The following WDR47 variants were observed in gnomAD, a reference collection of about 807,000 sequenced individuals.
WDR47 encodes WD repeat domain 47.
In WDR47, 32 loss-of-function variants were observed where a neutral mutation model predicts 97.2. The ratio of observed to expected loss-of-function variants is 0.33; its 90% confidence interval spans 0.25 to 0.44. The LOEUF (loss-of-function observed/expected upper bound fraction) is 0.44, where lower values mean the gene tolerates loss of function less well. Ranked by LOEUF, WDR47 falls within the 20% of genes least tolerant of loss-of-function variation. The pLI is 1.00. For missense variants in WDR47, 782 were observed against 1,102.3 expected (o/e 0.71, Z 4.11); for synonymous variants, 375 against 373.5 (o/e 1.00, Z -0.05).
At chr1:109,019,292 G>A (rs1395169598) in intron 2 of WDR47, among the ~76,000 whole-genome samples, 3 of 151,428 alleles carry the variant, frequency 2.0e-5, no homozygotes, top group African/African-American at 2.4e-5. Flanking sequence ...GCTGAGGCAG[G>A]GAGAATTGCT....
rs1483711285 is a variant in WDR47, at chr1:108,974,766, G to A, written c.2399-12C>T. 4 of 1,590,000 alleles carry A rather than the reference G, an allele frequency of 2.5e-6. No individual in the cohort carries two copies. Among genetic ancestry groups the A allele is most frequent in the African/African-American group, 2.7e-5 (2 of 74,402 alleles). ...TGCCACTGCACTGCCTGTAGTGGTA[G>A]GAATGAAAGTTTAAATACAGAAAAT... On this transcript the variant is annotated splice_polypyrimidine_tract_variant and intron_variant, in intron 13 of 14. Transcript: ENST00000369962.
intron 1 of WDR47, among the ~76,000 whole-genome samples, chr1:109,038,423 A>G (rs1663107487): frequency 6.6e-6 from 1 of 152,220 alleles, no homozygotes; most frequent in Non-Finnish European, 1.5e-5. Context: ...TCATGCCTGT[A>G]ATCCCAGCAC....
intron 1 of WDR47, among the ~76,000 whole-genome samples, chr1:109,037,232 G>C (rs564170372): frequency 8.4e-4 from 127 of 152,046 alleles, no homozygotes; most frequent in Non-Finnish European, 1.6e-3. Flanking sequence ...GGGAGGCTGA[G>C]GCAGGAGAAT....
At chr1:109,017,631 G>A (rs779270462) in intron 2 of WDR47, 30 bp from the exon 3 acceptor site, 2 of 1,572,272 alleles carry the variant, frequency 1.3e-6, no homozygotes, top group Admixed American at 3.7e-5. Flanking sequence ...AAACCAGCAT[G>A]TCACCAAATT....
intron 1 of WDR47, among the ~76,000 whole-genome samples, chr1:109,032,684 G>A (rs1331149185): frequency 1.3e-5 from 2 of 151,608 alleles, no homozygotes; most frequent in Non-Finnish European, 2.9e-5. Context: ...ATCACTTGAG[G>A]TCAGGAGTTC....
At chr1:109,017,872 G>A (rs953932196) in intron 2 of WDR47, among the ~76,000 whole-genome samples, 4 of 151,454 alleles carry the variant, frequency 2.6e-5, no homozygotes, top group East Asian at 3.9e-4. Context: ...TCAGACACCC[G>A]AGAAGCTGGG....
At chr1:109,020,319 C>T (rs1661740470) in intron 2 of WDR47, among the ~76,000 whole-genome samples, 1 of 151,392 alleles carries the variant, frequency 6.6e-6, no homozygotes, top group African/African-American at 2.4e-5. Context: ...TCACTGCAAG[C>T]TCACGATCTC....
chr1:109,007,392 C>T (rs1313983199), intron 5 of WDR47, among the ~76,000 whole-genome samples: 1 of 152,056 alleles, frequency 6.6e-6, no homozygotes. Flanking sequence ...AACTCCTAGC[C>T]TCAAGCAATC....
chr1:109,012,726 G>C (rs1333357849), intron 4 of WDR47, among the ~76,000 whole-genome samples: 2 of 152,038 alleles, frequency 1.3e-5, no homozygotes, highest in Non-Finnish European at 1.5e-5. Context: ...AATGATGTAA[G>C]GAACTTCAGC....
chr1:109,025,211 G>A (rs986367775), intron 1 of WDR47, among the ~76,000 whole-genome samples: 17 of 152,020 alleles, frequency 1.1e-4, no homozygotes, highest in African/African-American at 4.1e-4. Context: ...GTCGAGGTGG[G>A]AGGATCACAT....
At chr1:109,035,921 G>A (rs888939334) in intron 1 of WDR47, among the ~76,000 whole-genome samples, 2 of 151,502 alleles carry the variant, frequency 1.3e-5, no homozygotes, top group Non-Finnish European at 1.5e-5. Context: ...AAACTCCTGC[G>A]CTCAAGCAAT....
chr1:108,979,526 G>A (rs1403995587), intron 13 of WDR47, among the ~76,000 whole-genome samples: 1 of 135,668 alleles, frequency 7.4e-6, no homozygotes, highest in Non-Finnish European at 1.6e-5. Context: ...CCCTGTCTCA[G>A]AACAAAACAA....
chr1:108,986,664 T>C lies in WDR47; in HGVS notation c.1784A>G (p.Lys595Arg). 1.2e-6 allele frequency: 2 copies of C among 1,603,294 alleles called. No homozygotes were observed. Among genetic ancestry groups the C allele is most frequent in the Non-Finnish European group, 1.7e-6 (2 of 1,176,388 alleles). The change falls in exon 10 of 15, where the codon AAG becomes AGG. Residue 595 changes from lysine (K) to arginine (R), a missense_variant. Around this residue, in one of 3 missense-constraint regions of WDR47, gnomAD observed 126 missense variants for 121.3 expected, o/e 1.04. Coordinates refer to ENST00000369962, the MANE Select transcript of WDR47 (RefSeq NM_001142551.2). The stretch of plus-strand genomic sequence containing the variant: ...TAGGATATTAATACAAACAAACTGC[T>C]TTTTTGATTTGTCATCCTATGGAAA... ...SKGEEDDKSK[K>R]QFVCINILED...
At chr1:109,035,413 T>C (rs1662875862) in intron 1 of WDR47, among the ~76,000 whole-genome samples, 1 of 152,092 alleles carries the variant, frequency 6.6e-6, no homozygotes, top group African/African-American at 2.4e-5. Context: ...CTCTTTGCAG[T>C]TTATCTGAAG....
At position 109,032,505 on chromosome 1, in the gene WDR47, C is replaced by CAA. The variant is rs35413882; in HGVS notation, c.-9-8986_-9-8985dup. On this transcript the variant is annotated intron_variant, in intron 1 of 14. Coordinates refer to ENST00000369962, the MANE Select transcript of WDR47 (RefSeq NM_001142551.2). ...CTTGGGCGACAGAGCGAGACTGTCT[C>CAA]AAAAAAAAAAAAAAAAGATTTTCTT... Among the ~76,000 whole-genome samples, 260 of 84,788 alleles carry CAA rather than the reference C, an allele frequency of 3.1e-3. 17 individuals are homozygous for CAA. Among genetic ancestry groups the CAA allele is most frequent in the Middle Eastern group, 9.8e-3 (2 of 204 alleles). The allele number at this position is 84,788 out of a possible 152,430, so 55.6% of individuals were successfully genotyped here.
At chr1:109,019,934 G>A (rs1394077362) in intron 2 of WDR47, among the ~76,000 whole-genome samples, 1 of 152,096 alleles carries the variant, frequency 6.6e-6, no homozygotes, top group African/African-American at 2.4e-5. Context: ...TTAACAATAT[G>A]CTGCAAAGAA....
intron 2 of WDR47, among the ~76,000 whole-genome samples, chr1:109,019,565 G>A (rs1557953733): frequency 6.6e-6 from 1 of 152,054 alleles, no homozygotes; most frequent in Non-Finnish European, 1.5e-5. Context: ...CTGGGATCTA[G>A]TGGGTAGATC....
intron 9 of WDR47, among the ~76,000 whole-genome samples, chr1:108,990,370 G>C (rs187110761): frequency 1.3e-5 from 2 of 152,084 alleles, no homozygotes; most frequent in East Asian, 3.9e-4. Context: ...CACTATGCCT[G>C]GCTAATTTTT....
chr1:108,974,518 G>A lies in WDR47; in HGVS notation c.2617+18C>T. 1 of 1,605,386 alleles carries A rather than the reference G, an allele frequency of 6.2e-7. No homozygotes were observed. Among genetic ancestry groups the A allele is most frequent in the Non-Finnish European group, 8.5e-7 (1 of 1,173,302 alleles). Reference sequence around the variant, plus strand: ...TAGAACAGGAAAGACTAAAAACAGAGAAGTCGATCTCAATCACCTTGTAGG... The same window carrying A: ...TAGAACAGGAAAGACTAAAAACAGAAAAGTCGATCTCAATCACCTTGTAGG... On this transcript the variant is annotated intron_variant, in intron 14 of 14. Transcript: ENST00000369962.
Sources: allele counts gnomAD v4.1 joint callset (sites outside exome capture counted in the v4.1 genomes callset), GRCh38; gene constraint gnomAD v4.1.1; regional missense constraint gnomAD v4.1.1; transcripts MANE v1.5; gene names NCBI Gene and HGNC (gene_info 2026-07-23, HGNC 2026-07-21).